The following FHIT variants were observed in gnomAD, a reference collection of about 807,000 sequenced individuals.
FHIT encodes the protein bis(5'-adenosyl)-triphosphatase.
FHIT carries 19 observed loss-of-function variants against 17.9 expected under a neutral mutation model. The observed-to-expected ratio is 1.06, with a 90% confidence interval of 0.74 to 1.56. The LOEUF (loss-of-function observed/expected upper bound fraction) is 1.56. Ranked by LOEUF, FHIT falls within the 40% of genes most tolerant of loss-of-function variation. The pLI, the probability that FHIT is intolerant of heterozygous loss-of-function variation, is 0.00. For synonymous variants in FHIT, 81 were observed against 69.7 expected (o/e 1.16, Z -0.81); for missense variants, 248 against 189.2 (o/e 1.31, Z -1.82).
chr3:60,158,047 T>C (rs1576221100), intron 5 of FHIT, among the ~76,000 whole-genome samples: 3 of 152,176 alleles, frequency 2.0e-5, no homozygotes, highest in South Asian at 2.1e-4. Context: ...GTGGTCCAAA[T>C]TGGTTCCTAC....
rs1450036480 is a variant in FHIT, at chr3:60,118,778, G to T, written c.104-104626C>A. On this transcript the variant is annotated intron_variant, in intron 5 of 9. Transcript: ENST00000492590. ...GGGAGGCTGAGGTGGGGGCGGCGGG[G>T]GGGGGGGGGTGGTGAATCACCTGAA... Among the ~76,000 whole-genome samples, 566 of 75,078 alleles carry T rather than the reference G, an allele frequency of 7.5e-3. 11 individuals are homozygous for T. The highest frequency in any genetic ancestry group is 9.3e-3 in the Non-Finnish European group (317 of 34,240). The allele number at this position is 75,078 out of a possible 152,430, so 49.3% of individuals were successfully genotyped here. A position where few individuals can be genotyped will look rare whatever the true frequency, so the allele number is the denominator to read the frequency against.
At chr3:60,415,166 T>C (rs945946165) in intron 5 of FHIT, among the ~76,000 whole-genome samples, 1 of 152,198 alleles carries the variant, frequency 6.6e-6, no homozygotes, top group African/African-American at 2.4e-5. Flanking sequence ...CCCAGATGGA[T>C]AATCTCTTAT....
At chr3:60,456,026 T>A (rs1559929125) in intron 5 of FHIT, among the ~76,000 whole-genome samples, 1 of 152,128 alleles carries the variant, frequency 6.6e-6, no homozygotes, top group East Asian at 1.9e-4. Context: ...ATCCAAAAGA[T>A]GGCCAATCCA....
chr3:59,789,976 A>G (rs114469715), intron 8 of FHIT, among the ~76,000 whole-genome samples: 1,675 of 152,296 alleles, frequency 0.011, 25 homozygotes, highest in Middle Eastern at 0.037. Context: ...AAAGCTTCCC[A>G]TTGTAAATGC....
chr3:60,306,904 G>A (rs1408128480), intron 5 of FHIT, among the ~76,000 whole-genome samples: 1 of 152,112 alleles, frequency 6.6e-6, no homozygotes, highest in East Asian at 1.9e-4. Context: ...GATCGTGAGA[G>A]TGTTTTCCTT....
intron 4 of FHIT, among the ~76,000 whole-genome samples, chr3:60,716,196 G>A (rs2041678758): frequency 6.6e-6 from 1 of 152,064 alleles, no homozygotes; most frequent in East Asian, 1.9e-4. Flanking sequence ...GTTTAGCTGA[G>A]ATCACACCGC....
In FHIT at chr3:60,238,872, C is replaced by T. The variant is rs77501728; in HGVS notation, c.104-224720G>A. ...CCCCATGACTGAGCTTTGGCAAGTA[C>T]AAATGCATTAGGAATGGAGCTGATT... On this transcript the variant is annotated intron_variant, in intron 5 of 9. Coordinates refer to ENST00000492590, the MANE Select transcript of FHIT (RefSeq NM_002012.4). 7.5e-3 allele frequency among the ~76,000 whole-genome samples: 1,148 copies of T among 152,240 alleles called. 10 individuals are homozygous for T. Among genetic ancestry groups the T allele is most frequent in the African/African-American group, 0.026 (1,070 of 41,546 alleles).
intron 2 of FHIT, among the ~76,000 whole-genome samples, chr3:61,143,797 C>A (rs1414860254): frequency 6.6e-6 from 1 of 152,130 alleles, no homozygotes; most frequent in African/African-American, 2.4e-5. Flanking sequence ...ACCCAGGAGG[C>A]AGAGGTTGCA....
intron 3 of FHIT, among the ~76,000 whole-genome samples, chr3:60,969,801 G>A (rs1247409353): frequency 6.6e-6 from 1 of 152,114 alleles, no homozygotes; most frequent in Admixed American, 6.6e-5. Flanking sequence ...TTGTTGCAGT[G>A]TTCTATACAT....
rs573640811 is a variant in FHIT, at chr3:60,899,086, G to A, written c.-110-77075C>T. The stretch of plus-strand genomic sequence containing the variant: ...ACATGTAACTACTACAGATAAATCC[G>A]CTACTTTGAACACCCTAATTATCCA... On this transcript the variant is annotated intron_variant, in intron 3 of 9. Transcript: ENST00000492590. 1.9e-4 allele frequency among the ~76,000 whole-genome samples: 29 copies of A among 152,146 alleles called. No individual in the cohort carries two copies. The Middle Eastern group carries it at 0.034, about 178-fold the overall frequency.
chr3:60,026,942 T>C lies in FHIT; in HGVS notation c.104-12790A>G, dbSNP rs144904022. 3.1e-3 allele frequency among the ~76,000 whole-genome samples: 471 copies of C among 151,992 alleles called. 23 individuals carry two copies. In the East Asian group the frequency reaches 0.062, roughly 20 times the overall value. The stretch of plus-strand genomic sequence containing the variant: ...GGTGCAATCCTGTCTCTACTAAAAA[T>C]ACAAAAATCAGCTAGGCATGGTGGC... On this transcript the variant is annotated intron_variant, in intron 5 of 9. Transcript: ENST00000492590.
At chr3:60,904,498 A>C (rs1417523391) in intron 3 of FHIT, among the ~76,000 whole-genome samples, 1 of 152,174 alleles carries the variant, frequency 6.6e-6, no homozygotes, top group Non-Finnish European at 1.5e-5. Context: ...AAAAGAAAAA[A>C]AAAAGATTGA....
chr3:59,922,289 G>A (rs1705441961), intron 8 of FHIT, 57 bp downstream of exon 8: 3 of 1,353,908 alleles, frequency 2.2e-6, no homozygotes, highest in Admixed American at 1.7e-5. Flanking sequence ...TTAGGTTGAT[G>A]TCATCCCACC....
intron 4 of FHIT, among the ~76,000 whole-genome samples, chr3:60,710,224 G>C (rs1201457587): frequency 6.6e-6 from 1 of 152,216 alleles, no homozygotes; most frequent in East Asian, 1.9e-4. Context: ...CAAAAGTACA[G>C]TTCAGTGCCA....
chr3:60,532,833 G>C (rs1576826196), intron 5 of FHIT, among the ~76,000 whole-genome samples: 1 of 152,248 alleles, frequency 6.6e-6, no homozygotes, highest in East Asian at 1.9e-4. Context: ...AAAAGTCAGT[G>C]AGCAAAGTCA....
intron 8 of FHIT, among the ~76,000 whole-genome samples, chr3:59,871,028 C>T (rs1273270674): frequency 6.6e-6 from 1 of 152,094 alleles, no homozygotes; most frequent in Non-Finnish European, 1.5e-5. Context: ...TAGGATAAGG[C>T]CACCAATTAT....
In FHIT at chr3:60,268,768, A is replaced by G. The variant is rs538180095; in HGVS notation, c.104-254616T>C. 3.5e-4 allele frequency among the ~76,000 whole-genome samples: 54 copies of G among 152,260 alleles called. 1 individual carries two copies. Among genetic ancestry groups the G allele is most frequent in the African/African-American group, 1.1e-3 (45 of 41,568 alleles). On this transcript the variant is annotated intron_variant, in intron 5 of 9. Coordinates refer to ENST00000492590, the MANE Select transcript of FHIT (RefSeq NM_002012.4). The stretch of plus-strand genomic sequence containing the variant: ...ACTCAGAACCTCTGAATATGCTTAC[A>G]TGGGAAAGGGGCATTAAGGTTGCAG...
At chr3:60,867,802 C>A (rs1704230982) in intron 3 of FHIT, among the ~76,000 whole-genome samples, 1 of 152,150 alleles carries the variant, frequency 6.6e-6, no homozygotes, top group South Asian at 2.1e-4. Context: ...TGAATGACTA[C>A]AATAAGCAGA....
At chr3:60,631,672 A>G (rs900239359) in intron 4 of FHIT, among the ~76,000 whole-genome samples, 27 of 152,172 alleles carry the variant, frequency 1.8e-4, no homozygotes, top group South Asian at 2.1e-4. Flanking sequence ...AAAGAAATCC[A>G]TCAAATTGTC....
Sources: allele counts gnomAD v4.1 joint callset (sites outside exome capture counted in the v4.1 genomes callset), GRCh38; gene constraint gnomAD v4.1.1; transcripts MANE v1.5; gene names NCBI Gene and HGNC (gene_info 2026-07-23, HGNC 2026-07-21).